The following CARD14 variants were observed in gnomAD, a reference collection of about 807,000 sequenced individuals.
The protein encoded by CARD14 is caspase recruitment domain family member 14, also known as caspase recruitment domain-containing protein 14.
Under a neutral mutation model 111.5 loss-of-function variants are expected in CARD14, and 107 were observed. The ratio of observed to expected loss-of-function variants is 0.96; its 90% CI spans 0.82 to 1.13. The LOEUF (loss-of-function observed/expected upper bound fraction) is 1.13, where lower values mean the gene tolerates loss of function less well. Ranked by LOEUF, CARD14 falls within the 50% of genes most tolerant of loss-of-function variation. The pLI is 0.00. For missense variants in CARD14, 1,322 were observed against 1,362.3 expected (o/e 0.97, Z 0.47); for synonymous variants, 617 against 579.6 (o/e 1.06, Z -0.93).
At position 80,198,585 on chromosome 17, in the gene CARD14, T is replaced by C. The variant is rs369089693; in HGVS notation, c.1845T>C (p.Ile615=). The change falls in exon 16 of 24, where the codon ATT becomes ATC. Residue 615 remains isoleucine (I), a synonymous_variant. Coordinates refer to ENST00000648509, the MANE Select transcript of CARD14 (RefSeq NM_001366385.1). The surrounding 1 kb of genome is among the most constrained non-coding windows in gnomAD (Gnocchi z 7.5). The part of the protein sequence containing the change: ...DQMALRPGTQ[I]VMVDYEASEP... ...TGGCCTTGCGCCCGGGCACCCAGAT[T>C]GTGATGGTGAGCCGTGCGAGGCCCC... 6.2e-7 allele frequency: 1 copy of C among 1,612,176 alleles called. No homozygotes were observed. The highest frequency in any genetic ancestry group is 1.3e-5 in the African/African-American group (1 of 75,040).
intron 16 of CARD14, among the ~76,000 whole-genome samples, chr17:80,199,270 T>C (rs1007214797): frequency 2.6e-5 from 4 of 151,428 alleles, no homozygotes; most frequent in African/African-American, 7.3e-5. Context: ...GGCAGATCAC[T>C]TGAGGTCAGA....
chr17:80,175,465 T>A (rs1006051264), intron 2 of CARD14, among the ~76,000 whole-genome samples: 21 of 152,154 alleles, frequency 1.4e-4, no homozygotes, highest in African/African-American at 4.3e-4. Flanking sequence ...GACTTTGACG[T>A]GACAGAGCGA....
Position 80,202,389 on chromosome 17 carries a change from G to A in CARD14, c.2188G>A (p.Ala730Thr). 6.2e-7 allele frequency: 1 copy of A among 1,613,036 alleles called. No individual in the cohort carries two copies. Among genetic ancestry groups the A allele is most frequent in the Non-Finnish European group, 8.5e-7 (1 of 1,179,968 alleles). The change falls in exon 18 of 24, where the codon GCC (alanine) becomes ACC (threonine). Residue 730 changes from alanine (A) to threonine (T), a missense_variant. Coordinates refer to ENST00000648509, the MANE Select transcript of CARD14 (RefSeq NM_001366385.1). ...RVNSYTMKDTAAHGTIPNYSR... is the reference protein window; with the variant it reads ...RVNSYTMKDTTAHGTIPNYSR... ...GAACTCTTACACCATGAAGGATACT[G>A]CCGCGCACGGCACCATCCCCAACTA...
chr17:80,202,058 GT>G, intron 17 of CARD14, 121 bp from the exon 18 acceptor site: 1 of 1,207,776 alleles, frequency 8.3e-7, no homozygotes, highest in Non-Finnish European at 1.2e-6. Flanking sequence ...ACTGACTCCA[GT>G]GCCAGAGCAG....
chr17:80,184,347 C>T (rs2144190473), intron 7 of CARD14, 109 bp downstream of exon 7: 1 of 980,628 alleles, frequency 1.0e-6, no homozygotes, highest in Non-Finnish European at 1.4e-6. Flanking sequence ...CCTTGTCTAA[C>T]ACTTCCCTGC....
At position 80,192,527 on chromosome 17, in the gene CARD14, G is replaced by A. The variant is rs61751629; in HGVS notation, c.1264G>A (p.Glu422Lys). 0.029 allele frequency: 46,315 copies of A among 1,613,618 alleles called. 763 individuals are homozygous for A. Among genetic ancestry groups the A allele is most frequent in the Middle Eastern group, 0.06 (364 of 6,062 alleles). Residue 422 changes from glutamate to lysine, a missense_variant, in exon 12 of 24, where the codon GAG becomes AAG. Physicochemically the swap from Glu to Lys is moderately conservative, Grantham distance 56. Transcript: ENST00000648509. The part of the protein sequence containing the change: ...GVLKQEARTR[E>K]PCPREKQRLV... ...GCTCAAGCAGGAAGCCAGGACCAGG[G>A]AGCCCTGTCCACGGGAGAAGCAGCG...
chr17:80,192,718 C>T, intron 12 of CARD14, 99 bp downstream of exon 12: 1 of 762,652 alleles, frequency 1.3e-6, no homozygotes, highest in Non-Finnish European at 2.2e-6. Context: ...CCACCCTGTC[C>T]CCACAGGGAA....
At position 80,182,579 on chromosome 17, in the gene CARD14, T is replaced by C. The variant is rs1263905154; in HGVS notation, c.212-74T>C. The C allele has an allele frequency of 6.4e-7, 1 of 1,566,318 alleles. No individual in the cohort carries two copies. The highest frequency in any genetic ancestry group is 1.8e-5 in the Admixed American group (1 of 56,210). On this transcript the variant is annotated intron_variant, in intron 5 of 23. Transcript: ENST00000648509. This position sits in a 1 kb window ranked among gnomAD's most constrained non-coding sequence, Gnocchi z 4.7. ...TTCCCAGCCCCAGGCCTCTCCCCCGTGGGGAAGCCAGCCAGGGAGCCCAGC... is the reference window on the plus strand; with the variant it reads ...TTCCCAGCCCCAGGCCTCTCCCCCGCGGGGAAGCCAGCCAGGGAGCCCAGC...
intron 12 of CARD14, among the ~76,000 whole-genome samples, chr17:80,194,590 G>T (rs1191109585): frequency 6.6e-6 from 1 of 152,224 alleles, no homozygotes; most frequent in African/African-American, 2.4e-5. Context: ...TACAAAGAAA[G>T]AAGTTTAATT....
chr17:80,203,738 C>T lies in CARD14; in HGVS notation c.2220-84C>T, dbSNP rs1241636296. On this transcript the variant is annotated intron_variant, in intron 18 of 23. Transcript: ENST00000648509. This position sits in a 1 kb window ranked among gnomAD's most constrained non-coding sequence, Gnocchi z 4.6. ...CCCTTCTCTCCCACCCGGCCATCTC[C>T]CCCACTCTCCCCTGCTCGGCTCTCC... is the stretch of plus-strand genomic sequence containing the variant. 5 of 1,040,016 alleles carry T rather than the reference C, an allele frequency of 4.8e-6. No homozygotes were observed. Among genetic ancestry groups the T allele is most frequent in the Non-Finnish European group, 7.1e-6 (5 of 700,274 alleles). The allele number at this position is 1,040,016 out of a possible 1,614,324, so 64.4% of individuals were successfully genotyped here. A position where few individuals can be genotyped will look rare whatever the true frequency, so the allele number is the denominator to read the frequency against.
intron 2 of CARD14, among the ~76,000 whole-genome samples, chr17:80,175,918 G>A (rs1170701682): frequency 1.3e-5 from 2 of 148,658 alleles, no homozygotes; most frequent in Non-Finnish European, 3.0e-5. Context: ...AGGGAAGCAG[G>A]AGGCAGGGTG....
In CARD14 at chr17:80,201,631, G is replaced by A; in HGVS notation, c.1852-113G>A. ...TTTTGACCAAGGCGTGCAGGCAGTG[G>A]TCCTACGGCAGGGCTGGCCCGCGCC... On this transcript the variant is annotated intron_variant, in intron 16 of 23. Transcript: ENST00000648509. This position sits in a 1 kb window ranked among gnomAD's most constrained non-coding sequence, Gnocchi z 5.0. The A allele has an allele frequency of 9.1e-7, 1 of 1,103,910 alleles. No individual in the cohort carries two copies. The highest frequency in any genetic ancestry group is 1.4e-6 in the Non-Finnish European group (1 of 726,366). 68.4% of individuals were successfully genotyped at this position (1,103,910 alleles called of 1,614,324 possible).
Position 80,207,068 on chromosome 17 carries a change from G to T in CARD14, c.2790G>T (p.Lys930Asn), listed in dbSNP as rs768323293. ...TCATCCACGTCTCTGTCAACGAGAAGATGGCAAAGAAGCTCAAGTAGGTGC... is the reference window on the plus strand; with the variant it reads ...TCATCCACGTCTCTGTCAACGAGAATATGGCAAAGAAGCTCAAGTAGGTGC... Reference protein sequence around the residue: ...PIVIHVSVNEKMAKKLKKGLQ... With the variant: ...PIVIHVSVNENMAKKLKKGLQ... The change falls in exon 23 of 24, where the codon AAG becomes AAT. Residue 930 changes from lysine to asparagine, a missense_variant. Transcript: ENST00000648509. The T allele has an allele frequency of 1.5e-5, 25 of 1,613,834 alleles. No individual in the cohort carries two copies. Among genetic ancestry groups the T allele is most frequent in the Non-Finnish European group, 2.1e-5 (25 of 1,179,838 alleles).
rs758760584 is a variant in CARD14 at position 80,195,279 on chromosome 17, A to G, written c.1445A>G (p.Gln482Arg). 1.2e-6 allele frequency: 2 copies of G among 1,612,992 alleles called. No individual in the cohort carries two copies. The highest frequency in any genetic ancestry group is 1.3e-5 in the African/African-American group (1 of 74,922). The stretch of plus-strand genomic sequence containing the variant: ...AGCAGCCCCGCGCCCCCCAGCCAGC[A>G]GTCCCTGTACAAGCGGGTGGCCGAG... The part of the protein sequence containing the change: ...RSSSPAPPSQ[Q>R]SLYKRVAEDF... Residue 482 changes from glutamine to arginine, a missense_variant, in exon 13 of 24, where the codon CAG (glutamine) becomes CGG (arginine). Physicochemically the swap from Gln to Arg is conservative, Grantham distance 43. Coordinates refer to ENST00000648509, the MANE Select transcript of CARD14 (RefSeq NM_001366385.1). This position sits in a 1 kb window ranked among gnomAD's most constrained non-coding sequence, Gnocchi z 4.7.
At chr17:80,187,324 TGCTCAAG>T (rs2040377050) in intron 7 of CARD14, among the ~76,000 whole-genome samples, 1 of 152,238 alleles carries the variant, frequency 6.6e-6, no homozygotes, top group Non-Finnish European at 1.5e-5. Flanking sequence ...CAGCCAATCT[TGCTCAAG>T]GCTGAGGGTT....
rs1292977579 is a variant in CARD14 at position 80,206,951 on chromosome 17, T to C, written c.2692-19T>C. Reference sequence around the variant, plus strand: ...GAGGCCTGTGATCTTGACTCACTTCTTCTCTCCCTCCCACAAAGAACACCC... The same window carrying C: ...GAGGCCTGTGATCTTGACTCACTTCCTCTCTCCCTCCCACAAAGAACACCC... On this transcript the variant is annotated intron_variant, in intron 22 of 23. Transcript: ENST00000648509. 1 of 1,587,722 alleles carries C rather than the reference T, an allele frequency of 6.3e-7. No individual in the cohort carries two copies. Among genetic ancestry groups the C allele is most frequent in the East Asian group, 2.3e-5 (1 of 44,236 alleles).
Position 80,203,958 on chromosome 17 carries a change from A to C in CARD14, c.2283+73A>C. 4.7e-6 allele frequency: 6 copies of C among 1,266,000 alleles called. No individual in the cohort carries two copies. The highest frequency in any genetic ancestry group is 6.7e-6 in the Non-Finnish European group (6 of 897,846). The allele number at this position is 1,266,000 out of a possible 1,614,324, so 78.4% of individuals were successfully genotyped here. On this transcript the variant is annotated intron_variant, in intron 19 of 23. Coordinates refer to ENST00000648509, the MANE Select transcript of CARD14 (RefSeq NM_001366385.1). The surrounding 1 kb of genome is among the most constrained non-coding windows in gnomAD (Gnocchi z 4.6). Reference sequence around the variant, plus strand: ...AGGGGCTCGGTGCTGGCAGGGTGGCAGGAGGCACTGTGTGGAGAGTGGGCT... The same window carrying C: ...AGGGGCTCGGTGCTGGCAGGGTGGCCGGAGGCACTGTGTGGAGAGTGGGCT...
At chr17:80,196,056 C>G in intron 14 of CARD14, 1 of 170,246 alleles carries the variant, frequency 5.9e-6, no homozygotes, top group Non-Finnish European at 1.3e-5. Context: ...CGGGGAGCAT[C>G]TCTCCTCTCA....
chr17:80,208,010 C>T (rs1405049778), intron 23 of CARD14, 128 bp from the exon 24 acceptor site: 4 of 623,210 alleles, frequency 6.4e-6, no homozygotes, highest in Admixed American at 3.3e-5. Flanking sequence ...ATTTTCTTTA[C>T]AAGGTCCCCT....
Sources: allele counts gnomAD v4.1 joint callset (sites outside exome capture counted in the v4.1 genomes callset), GRCh38; gene constraint gnomAD v4.1.1; non-coding constraint Gnocchi (gnomAD v3.1); transcripts MANE v1.5; gene names NCBI Gene and HGNC (gene_info 2026-07-23, HGNC 2026-07-21).